Variants in SMOC1 observed in about 807,000 individuals in gnomAD.
SMOC1 encodes SPARC-related modular calcium-binding protein 1.
In SMOC1, 22 loss-of-function variants were observed where a neutral mutation model predicts 56.3. The ratio of observed to expected loss-of-function variants is 0.39; its 90% CI spans 0.28 to 0.56. SMOC1 has a LOEUF of 0.56. Among genes scored for constraint, SMOC1 ranks in the 20% least tolerant of loss-of-function variants. The probability of loss-of-function intolerance (pLI) is 0.61; values close to 1 mark genes in which losing one functional copy is unlikely to be tolerated. For missense variants in SMOC1, 509 were observed against 565.4 expected, an observed-to-expected ratio of 0.90 and a Z score of 1.01; for synonymous variants, 193 against 215.0, an observed-to-expected ratio of 0.90 and a Z score of 0.89.
rs201808292 is a variant in SMOC1, at chr14:69,959,322, C to CT, written c.378+5795dup. On this transcript the variant is annotated intron_variant, in intron 3 of 11. Transcript: ENST00000361956. Reference sequence around the variant, plus strand: ...CTCTATTGTGTCAAAAGGCCATGCACTTTTTAAGGCATTTGATGCATACTA... The same window carrying CT: ...CTCTATTGTGTCAAAAGGCCATGCACTTTTTTAAGGCATTTGATGCATACTA... Among the ~76,000 whole-genome samples, 496 of 152,268 alleles carry CT rather than the reference C, an allele frequency of 3.3e-3. 3 individuals are homozygous for CT. Among genetic ancestry groups the CT allele is most frequent in the African/African-American group, 0.012 (478 of 41,552 alleles).
chr14:69,981,439 T>C (rs1884173096), intron 5 of SMOC1, among the ~76,000 whole-genome samples: 1 of 151,926 alleles, frequency 6.6e-6, no homozygotes, highest in African/African-American at 2.4e-5. Context: ...GAGTTTCAAA[T>C]ATCCATTGAT....
chr14:69,894,804 G>A (rs1403111937), intron 1 of SMOC1, among the ~76,000 whole-genome samples: 3 of 152,130 alleles, frequency 2.0e-5, no homozygotes, highest in African/African-American at 7.2e-5. Flanking sequence ...GAGCTGACAG[G>A]AAAAAGGAAA....
intron 1 of SMOC1, among the ~76,000 whole-genome samples, chr14:69,915,688 C>T (rs1884668265): frequency 6.6e-6 from 1 of 152,218 alleles, no homozygotes; most frequent in African/African-American, 2.4e-5. Context: ...CCAATGACCT[C>T]CAAGCTGGCT....
intron 11 of SMOC1, among the ~76,000 whole-genome samples, chr14:70,026,758 T>G (rs957345081): frequency 6.6e-6 from 1 of 152,122 alleles, no homozygotes; most frequent in Non-Finnish European, 1.5e-5. Flanking sequence ...CATGTCTGTT[T>G]GTGCATGTCT....
chr14:69,946,960 C>T (rs1379137085), intron 1 of SMOC1, among the ~76,000 whole-genome samples: 1 of 152,110 alleles, frequency 6.6e-6, no homozygotes, highest in African/African-American at 2.4e-5. Context: ...CACCTTCTGC[C>T]CTGAGTAAAA....
intron 1 of SMOC1, among the ~76,000 whole-genome samples, chr14:69,923,279 C>T (rs760235754): frequency 6.6e-6 from 1 of 152,146 alleles, no homozygotes; most frequent in Admixed American, 6.6e-5. Context: ...CATACAAGCT[C>T]CCTCCCTGGC....
chr14:69,972,231 C>T (rs1566693997), intron 3 of SMOC1, among the ~76,000 whole-genome samples: 1 of 152,122 alleles, frequency 6.6e-6, no homozygotes, highest in Non-Finnish European at 1.5e-5. Flanking sequence ...CTCCATGTAA[C>T]TTCTTTTTCT....
intron 3 of SMOC1, 121 bp from the exon 4 acceptor site, chr14:69,975,594 G>T: frequency 1.3e-6 from 1 of 766,060 alleles, no homozygotes; most frequent in Non-Finnish European, 2.3e-6. Flanking sequence ...GACAGATGTG[G>T]GGATGAGAGG....
intron 1 of SMOC1, among the ~76,000 whole-genome samples, chr14:69,935,196 C>A (rs1885264832): frequency 6.6e-6 from 1 of 152,236 alleles, no homozygotes; most frequent in Non-Finnish European, 1.5e-5. Context: ...GAGACAGGGA[C>A]CCCAAATAGA....
intron 1 of SMOC1, among the ~76,000 whole-genome samples, chr14:69,909,129 G>T (rs1387395240): frequency 6.6e-6 from 1 of 152,102 alleles, no homozygotes; most frequent in Non-Finnish European, 1.5e-5. Flanking sequence ...GAACTCAGAA[G>T]ACAGGGACTG....
intron 5 of SMOC1, chr14:69,978,216 T>G (rs186646757): frequency 1.7e-4 from 94 of 544,380 alleles, no homozygotes; most frequent in African/African-American, 1.7e-3. Flanking sequence ...GAAGCACCTT[T>G]AGAATGTGAG....
intron 1 of SMOC1, among the ~76,000 whole-genome samples, chr14:69,909,651 A>G (rs1884503817): frequency 6.6e-6 from 1 of 152,244 alleles, no homozygotes; most frequent in Non-Finnish European, 1.5e-5. Context: ...GCTATTTTCC[A>G]TTGGAGAACA....
chr14:69,969,270 A>G (rs912983244), intron 3 of SMOC1, among the ~76,000 whole-genome samples: 1 of 152,218 alleles, frequency 6.6e-6, no homozygotes, highest in African/African-American at 2.4e-5. Flanking sequence ...GTTGCTATAA[A>G]GAAATACTGG....
At chr14:69,967,501 T>C (rs1883614587) in intron 3 of SMOC1, among the ~76,000 whole-genome samples, 1 of 152,226 alleles carries the variant, frequency 6.6e-6, no homozygotes, top group Non-Finnish European at 1.5e-5. Context: ...TTAGTGTTAG[T>C]GTATTTTATA....
intron 7 of SMOC1, among the ~76,000 whole-genome samples, chr14:69,997,605 C>T (rs1186496363): frequency 6.6e-6 from 1 of 152,156 alleles, no homozygotes; most frequent in African/African-American, 2.4e-5. Flanking sequence ...ATGCCTGGCA[C>T]ATAGTAGGTA....
At chr14:70,007,568 G>A (rs1310146900) in intron 7 of SMOC1, among the ~76,000 whole-genome samples, 1 of 152,188 alleles carries the variant, frequency 6.6e-6, no homozygotes, top group Admixed American at 6.5e-5. Flanking sequence ...ACATAGAAGA[G>A]CTCACTGTAA....
intron 7 of SMOC1, among the ~76,000 whole-genome samples, chr14:70,008,851 G>A (rs545362545): frequency 6.6e-6 from 1 of 152,182 alleles, no homozygotes; most frequent in Non-Finnish European, 1.5e-5. Flanking sequence ...TACCAAATTG[G>A]GGTTGGGGGA....
At chr14:69,895,531 G>C in intron 1 of SMOC1, among the ~76,000 whole-genome samples, 1 of 152,208 alleles carries the variant, frequency 6.6e-6, no homozygotes, top group Non-Finnish European at 1.5e-5. Context: ...CATCTTGAGA[G>C]TAGAAGTAGA....
chr14:69,886,587 G>T (rs1883816306), intron 1 of SMOC1, among the ~76,000 whole-genome samples: 1 of 152,208 alleles, frequency 6.6e-6, no homozygotes, highest in Non-Finnish European at 1.5e-5. Flanking sequence ...TTTGAATAGG[G>T]AAACTGGCTT....
Sources: allele counts gnomAD v4.1 joint callset (sites outside exome capture counted in the v4.1 genomes callset), GRCh38; gene constraint gnomAD v4.1.1; transcripts MANE v1.5; gene names NCBI Gene and HGNC (gene_info 2026-07-23, HGNC 2026-07-21).